Variants in PDIA4 observed in about 807,000 individuals in gnomAD.
PDIA4 encodes protein disulfide isomerase family A member 4.
Under a neutral mutation model 62.1 loss-of-function variants are expected in PDIA4, and 33 were observed. That is an observed-to-expected ratio of 0.53 (90% confidence interval 0.40 to 0.71). The LOEUF (loss-of-function observed/expected upper bound fraction) is 0.71, where lower values mean the gene tolerates loss of function less well. Among genes scored for constraint, PDIA4 ranks in the 30% least tolerant of loss-of-function variants. The pLI is 0.00. For synonymous variants in PDIA4, 341 were observed against 324.1 expected (o/e 1.05, Z -0.56); for missense variants, 804 against 813.6 (o/e 0.99, Z 0.14).
intron 6 of PDIA4, among the ~76,000 whole-genome samples, chr7:149,009,328 G>T (rs1035197811): frequency 3.3e-5 from 5 of 152,168 alleles, no homozygotes; most frequent in African/African-American, 1.2e-4. Context: ...CCCCGGAAAA[G>T]TTCACAGAAA....
At chr7:149,004,524 G>A (rs779824493) in intron 9 of PDIA4, among the ~76,000 whole-genome samples, 8 of 152,256 alleles carry the variant, frequency 5.3e-5, no homozygotes, top group Non-Finnish European at 1.0e-4. Context: ...AGCCATGGGG[G>A]GGAGGTGCCA....
rs1824259888 is a variant in PDIA4 at position 149,019,294 on chromosome 7, T to C, written c.270-97A>G. ...ACCACTTTGGTTTGGATGTGGTTTG[T>C]CCACACCAAAATGTTGAAATCTGAT... On this transcript the variant is annotated intron_variant, in intron 2 of 9. Coordinates refer to ENST00000652332, the MANE Select transcript of PDIA4 (RefSeq NM_004911.5). 2.1e-5 allele frequency: 18 copies of C among 854,756 alleles called. No individual in the cohort carries two copies. In the South Asian group the frequency reaches 2.5e-4, roughly 12 times the overall value. 52.9% of individuals were successfully genotyped at this position (854,756 alleles called of 1,614,324 possible). A position where few individuals can be genotyped will look rare whatever the true frequency, so the allele number is the denominator to read the frequency against.
Position 149,019,120 on chromosome 7 carries a change from G to A in PDIA4, c.347C>T (p.Pro116Leu). ...NILKDKDPPI[P>L]VAKIDATSAS... ...TGAGGTTGCATCGATCTTGGCAACA[G>A]GAATGGGAGGATCTTTATCCTTTAA... Residue 116 changes from proline to leucine, a missense_variant, in exon 3 of 10, where the codon CCT becomes CTT. By Grantham distance (98) the Pro-to-Leu change is moderately conservative. Transcript: ENST00000652332. The A allele has an allele frequency of 6.2e-7, 1 of 1,613,858 alleles. No individual in the cohort carries two copies. The highest frequency in any genetic ancestry group is 1.1e-5 in the South Asian group (1 of 91,076).
At chr7:149,004,918 C>T (rs997654486) in intron 9 of PDIA4, among the ~76,000 whole-genome samples, 1 of 152,236 alleles carries the variant, frequency 6.6e-6, no homozygotes, top group Non-Finnish European at 1.5e-5. Flanking sequence ...GTAACACTTG[C>T]AAATCCTTCT....
chr7:149,023,054 C>A (rs1824411477), intron 1 of PDIA4, among the ~76,000 whole-genome samples: 1 of 152,028 alleles, frequency 6.6e-6, no homozygotes, highest in African/African-American at 2.4e-5. Context: ...CTGAGATGAG[C>A]CTCCTGCCTG....
At chr7:149,007,245 A>T (rs1446356615) in intron 7 of PDIA4, among the ~76,000 whole-genome samples, 1 of 152,196 alleles carries the variant, frequency 6.6e-6, no homozygotes, top group Non-Finnish European at 1.5e-5. Context: ...AGAAAGATTC[A>T]GGGTGGTTCT....
In PDIA4 at chr7:149,018,659, T is replaced by C. The variant is rs578220647; in HGVS notation, c.475+333A>G. ...GTTGGTCAGGCTGGTCTTGAACTCC[T>C]GACCTAAAGTGATCCAGCTGCCTTG... On this transcript the variant is annotated intron_variant, in intron 3 of 9. Coordinates refer to ENST00000652332, the MANE Select transcript of PDIA4 (RefSeq NM_004911.5). 8.9e-4 allele frequency among the ~76,000 whole-genome samples: 136 copies of C among 152,286 alleles called. 1 individual carries two copies. The highest frequency in any genetic ancestry group is 3.1e-3 in the African/African-American group (127 of 41,560).
chr7:149,004,967 CCGA>C (rs1823689248), intron 9 of PDIA4, among the ~76,000 whole-genome samples, 171 bp downstream of exon 9: 1 of 152,110 alleles, frequency 6.6e-6, no homozygotes, highest in Non-Finnish European at 1.5e-5. Flanking sequence ...GGGGTCACAC[CCGA>C]CATTTCTCTG....
chr7:149,011,787 G>A (rs1414853964), intron 6 of PDIA4, 59 bp downstream of exon 6: 15 of 1,405,316 alleles, frequency 1.1e-5, no homozygotes, highest in Non-Finnish European at 1.4e-5. Context: ...GAAAAACCAG[G>A]CAACCGCAGA....
At chr7:149,012,616 C>T (rs1687804860) in intron 4 of PDIA4, among the ~76,000 whole-genome samples, 2 of 152,256 alleles carry the variant, frequency 1.3e-5, no homozygotes, top group African/African-American at 2.4e-5. Context: ...ACAGACAGGA[C>T]ATTAGTAACT....
chr7:149,004,790 C>T (rs963506682), intron 9 of PDIA4, among the ~76,000 whole-genome samples: 2 of 152,230 alleles, frequency 1.3e-5, no homozygotes, highest in Admixed American at 6.5e-5. Context: ...AATTTTAGCA[C>T]ATCAGCGCTG....
chr7:149,019,067 C>T lies in PDIA4; in HGVS notation c.400G>A (p.Val134Met), dbSNP rs781442776. 3.7e-6 allele frequency: 6 copies of T among 1,613,824 alleles called. No individual in the cohort carries two copies. The Admixed American group carries it at 5.0e-5, about 13-fold the overall frequency. Residue 134 changes from valine to methionine, a missense_variant, in exon 3 of 10, where the codon GTG (valine) becomes ATG (methionine). Transcript: ENST00000652332. ...ATCTTGATGGTGGGGTAGCCACTCA[C>T]ATCAAACCTGCTGGCCAGCACAGAC... ...SASVLASRFDVSGYPTIKILK... is the reference protein window; with the variant it reads ...SASVLASRFDMSGYPTIKILK...
At chr7:149,027,863 G>A (rs545221157) in intron 1 of PDIA4, 43 of 474,340 alleles carry the variant, frequency 9.1e-5, no homozygotes, top group Non-Finnish European at 1.6e-4. Flanking sequence ...TTTTGAAAAG[G>A]AATGCTTGCT....
At position 149,004,481 on chromosome 7, in the gene PDIA4, A is replaced by G. The variant is rs572850477; in HGVS notation, c.1523-272T>C. Reference sequence around the variant, plus strand: ...ACAAGAGTCACTGCCCAGGCAGAGGAGTTCCCGTAAGCACTGGCACTGAGG... The same window carrying G: ...ACAAGAGTCACTGCCCAGGCAGAGGGGTTCCCGTAAGCACTGGCACTGAGG... On this transcript the variant is annotated intron_variant, in intron 9 of 9. Coordinates refer to ENST00000652332, the MANE Select transcript of PDIA4 (RefSeq NM_004911.5). 7.2e-5 allele frequency among the ~76,000 whole-genome samples: 11 copies of G among 152,332 alleles called. No individual in the cohort carries two copies. The East Asian group carries it at 1.9e-3, about 27-fold the overall frequency.
At chr7:149,020,915 C>T (rs780604635) in intron 2 of PDIA4, 52 bp downstream of exon 2, 2 of 1,584,338 alleles carry the variant, frequency 1.3e-6, no homozygotes, top group East Asian at 2.3e-5. Context: ...AAGGGCTGAG[C>T]GAATGGAGCA....
Position 149,012,189 on chromosome 7 carries a change from C to G in PDIA4, c.786G>C (p.Arg262Ser). Residue 262 changes from arginine (R) to serine (S), a missense_variant, in exon 5 of 10, where the codon AGG (arginine) becomes AGC (serine). Physicochemically the swap from Arg to Ser is moderately radical, Grantham distance 110. Coordinates refer to ENST00000652332, the MANE Select transcript of PDIA4 (RefSeq NM_004911.5). ...CTCGTGGGCCGTTGTAGTCATAAGG[C>G]CTTCCTTTGCGGAAAATTTTCAGGG... is the stretch of plus-strand genomic sequence containing the variant. ...YPTLKIFRKG[R>S]PYDYNGPREK... 1 of 1,614,152 alleles carries G rather than the reference C, an allele frequency of 6.2e-7. No individual in the cohort carries two copies. Among genetic ancestry groups the G allele is most frequent in the Non-Finnish European group, 8.5e-7 (1 of 1,180,040 alleles).
rs929924264 is a variant in PDIA4, at chr7:149,014,754, T to A, written c.614+150A>T. On this transcript the variant is annotated intron_variant, in intron 4 of 9. Coordinates refer to ENST00000652332, the MANE Select transcript of PDIA4 (RefSeq NM_004911.5). Reference sequence around the variant, plus strand: ...CCAACAGCTCTCTTACATCCACGCTTCTTCCAGAAGACCTGGAGCCTCAAT... The same window carrying A: ...CCAACAGCTCTCTTACATCCACGCTACTTCCAGAAGACCTGGAGCCTCAAT... The A allele has an allele frequency of 4.0e-5, 27 of 680,494 alleles. No individual in the cohort carries two copies. In the East Asian group the frequency reaches 7.0e-4, roughly 18 times the overall value. 42.2% of individuals were successfully genotyped at this position (680,494 alleles called of 1,614,324 possible). A position where few individuals can be genotyped will look rare whatever the true frequency, so the allele number is the denominator to read the frequency against.
At chr7:149,009,274 C>T (rs1281603080) in intron 6 of PDIA4, among the ~76,000 whole-genome samples, 3 of 151,942 alleles carry the variant, frequency 2.0e-5, no homozygotes, top group Non-Finnish European at 4.4e-5. Context: ...TGGTGAGACC[C>T]CATTTCTATA....
At chr7:149,009,901 T>A (rs1823886906) in intron 6 of PDIA4, among the ~76,000 whole-genome samples, 1 of 152,192 alleles carries the variant, frequency 6.6e-6, no homozygotes, top group African/African-American at 2.4e-5. Context: ...TCCAAACTCA[T>A]CCTGGGCTGA....
Sources: allele counts gnomAD v4.1 joint callset (sites outside exome capture counted in the v4.1 genomes callset), GRCh38; gene constraint gnomAD v4.1.1; transcripts MANE v1.5; gene names NCBI Gene and HGNC (gene_info 2026-07-23, HGNC 2026-07-21).